CTSL: variants seen among roughly 807,000 people sequenced by gnomAD.
CTSL encodes the protein procathepsin L.
Under a neutral mutation model 34.7 loss-of-function variants are expected in CTSL, and 23 were observed. That is an observed-to-expected ratio of 0.66 (90% CI 0.48 to 0.94). The LOEUF (loss-of-function observed/expected upper bound fraction) is 0.94. Ranked by LOEUF, CTSL falls within the 40% of genes least tolerant of loss-of-function variation. The pLI is 0.00. For synonymous variants in CTSL, 129 were observed against 136.7 expected, an observed-to-expected ratio of 0.94 and a Z score of 0.39; for missense variants, 361 against 406.3, an observed-to-expected ratio of 0.89 and a Z score of 0.96.
intron 5 of CTSL, among the ~76,000 whole-genome samples, chr9:87,729,319 G>A (rs1826163769): frequency 6.6e-6 from 1 of 152,180 alleles, no homozygotes; most frequent in Admixed American, 6.5e-5. Context: ...GAATATACAA[G>A]CCATTCTAAA....
In CTSL at chr9:87,728,178, G is replaced by A. The variant is rs369837559; in HGVS notation, c.249+29G>A. The A allele has an allele frequency of 4.2e-5, 67 of 1,614,234 alleles. No individual in the cohort carries two copies. The African/African-American group carries it at 8.5e-4, about 21-fold the overall frequency. ...AGTGTGCTGTGGACTGCCGAGCTCT[G>A]TGCTTCCTCTCTTCGGTTCTTTACT... On this transcript the variant is annotated intron_variant, in intron 3 of 7. Transcript: ENST00000343150.
intron 5 of CTSL, 171 bp downstream of exon 5, chr9:87,728,980 G>A: frequency 7.0e-7 from 1 of 1,435,358 alleles, no homozygotes; most frequent in Non-Finnish European, 9.1e-7. Flanking sequence ...AAGCTCAGGA[G>A]TTTGAGACCA....
intron 1 of CTSL, 112 bp from the exon 2 acceptor site, chr9:87,727,482 A>G: frequency 8.8e-7 from 1 of 1,135,422 alleles, no homozygotes. Flanking sequence ...AATGCTTGGG[A>G]GAATAATTTA....
chr9:87,730,427 T>G lies in CTSL; in HGVS notation c.831T>G (p.Gly277=). Residue 277 remains glycine, a synonymous_variant, in exon 7 of 8, where the codon GGT becomes GGG. Transcript: ENST00000343150. ...PDCSSEDMDH[G]VLVVGYGFES... ...GTAGCAGTGAAGACATGGATCATGG[T>G]GTGCTGGTGGTTGGCTACGGATTTG... The G allele has an allele frequency of 6.2e-7, 1 of 1,613,212 alleles. No individual in the cohort carries two copies. The highest frequency in any genetic ancestry group is 8.5e-7 in the Non-Finnish European group (1 of 1,179,710).
At position 87,728,607 on chromosome 9, in the gene CTSL, CT is replaced by C. The variant is rs1826134048; in HGVS notation, c.423del (p.Phe141LeufsTer21). ...KNQGQCGSCW[A>X]FSATGALEGQ... ...CAGGGTCAGTGTGGTTCTTGTTGGG[CT>C]TTTAGTGCTACTGGTGCTCTTGAAG... is the stretch of plus-strand genomic sequence containing the variant. On this transcript the variant is annotated frameshift_variant, in exon 5 of 8. Coordinates refer to ENST00000343150, the MANE Select transcript of CTSL (RefSeq NM_001912.5). LOFTEE classifies it high-confidence loss of function. 2 of 1,613,790 alleles carry C rather than the reference CT, an allele frequency of 1.2e-6. No homozygotes were observed. The highest frequency in any genetic ancestry group is 1.7e-6 in the Non-Finnish European group (2 of 1,179,974).
Position 87,726,143 on chromosome 9 carries a change from A to G in CTSL, c.-266A>G, listed in dbSNP as rs1003093881. 6.6e-6 allele frequency: 1 copy of G among 152,232 alleles called. No individual in the cohort carries two copies. Among genetic ancestry groups the G allele is most frequent in the Non-Finnish European group, 1.5e-5 (1 of 68,136 alleles). The allele number at this position is 152,232 out of a possible 1,614,324, so 9.4% of individuals were successfully genotyped here. A position where few individuals can be genotyped will look rare whatever the true frequency, so the allele number is the denominator to read the frequency against. ...CAGAACCGCGACCTCCGCAACCTTGAGCGGCATCCGTGGAGTGCGCCTGCG... is the reference window on the plus strand; with the variant it reads ...CAGAACCGCGACCTCCGCAACCTTGGGCGGCATCCGTGGAGTGCGCCTGCG... On this transcript the variant is annotated 5_prime_UTR_variant, in exon 1 of 8. Coordinates refer to ENST00000343150, the MANE Select transcript of CTSL (RefSeq NM_001912.5).
intron 2 of CTSL, 127 bp downstream of exon 2, chr9:87,727,856 A>AGGATT: frequency 7.1e-7 from 1 of 1,410,242 alleles, no homozygotes. Context: ...TTATGAGCAC[A>AGGATT]ATGTGGACAT....
chr9:87,729,176 A>C (rs545985641), intron 5 of CTSL, among the ~76,000 whole-genome samples: 1 of 152,058 alleles, frequency 6.6e-6, no homozygotes, highest in Non-Finnish European at 1.5e-5. Flanking sequence ...AAAAAAAAAA[A>C]AAAGTTCACA....
intron 5 of CTSL, among the ~76,000 whole-genome samples, chr9:87,729,250 G>T (rs147803158): frequency 1.3e-3 from 202 of 152,130 alleles, no homozygotes; most frequent in African/African-American, 4.4e-3. Context: ...ATTAGCCTTT[G>T]CACAATCCTG....
Position 87,727,921 on chromosome 9 carries a change from T to C in CTSL, c.127-106T>C, listed in dbSNP as rs116971562. The C allele has an allele frequency of 1.2e-4, 192 of 1,536,706 alleles. 2 individuals carry two copies. The East Asian group carries it at 4.2e-3, about 33-fold the overall frequency. On this transcript the variant is annotated intron_variant, in intron 2 of 7. Coordinates refer to ENST00000343150, the MANE Select transcript of CTSL (RefSeq NM_001912.5). Reference sequence around the variant, plus strand: ...CAGCATCCCCAGAGGTGTCAAGCCTTCCCTTGCCATGGTTTCTCTTCCATC... The same window carrying C: ...CAGCATCCCCAGAGGTGTCAAGCCTCCCCTTGCCATGGTTTCTCTTCCATC...
Position 87,728,347 on chromosome 9 carries a change from G to A in CTSL, c.347G>A (p.Arg116Lys). ...FQEPLFYEAP[R>K]SVDWREKGYV... The stretch of plus-strand genomic sequence containing the variant: ...GAACCTCTGTTTTATGAGGCCCCCA[G>A]ATCTGTGGATTGGAGAGAGAAAGGC... The change falls in exon 4 of 8, where the codon AGA becomes AAA. Residue 116 changes from arginine (R) to lysine (K), a missense_variant. By Grantham distance (26) the Arg-to-Lys change is conservative. Transcript: ENST00000343150. The A allele has an allele frequency of 6.2e-7, 1 of 1,614,136 alleles. No homozygotes were observed. Among genetic ancestry groups the A allele is most frequent in the Non-Finnish European group, 8.5e-7 (1 of 1,179,982 alleles).
chr9:87,729,621 G>A lies in CTSL; in HGVS notation c.670G>A (p.Gly224Ser), dbSNP rs778002071. ...NPKYSVANDT[G>S]FVDIPKQEKA... Reference sequence around the variant, plus strand: ...CAAGTATTCTGTTGCTAATGACACCGGCTTTGTGGACATCCCTAAGCAGGA... The same window carrying A: ...CAAGTATTCTGTTGCTAATGACACCAGCTTTGTGGACATCCCTAAGCAGGA... The change falls in exon 6 of 8, where the codon GGC becomes AGC. Residue 224 changes from glycine to serine, a missense_variant. Coordinates refer to ENST00000343150, the MANE Select transcript of CTSL (RefSeq NM_001912.5). 26 of 1,614,082 alleles carry A rather than the reference G, an allele frequency of 1.6e-5. No homozygotes were observed. The highest frequency in any genetic ancestry group is 3.3e-5 in the South Asian group (3 of 91,068).
chr9:87,728,547 T>G, intron 4 of CTSL, 38 bp from the exon 5 acceptor site: 1 of 1,590,392 alleles, frequency 6.3e-7, no homozygotes, highest in Middle Eastern at 1.7e-4. Flanking sequence ...TATTATTTTT[T>G]TTTTGTGGAT....
rs1239881718 is a variant in CTSL at position 87,726,139 on chromosome 9, C to T, written c.-270C>T. ...GGGCCAGAACCGCGACCTCCGCAAC[C>T]TTGAGCGGCATCCGTGGAGTGCGCC... is the stretch of plus-strand genomic sequence containing the variant. On this transcript the variant is annotated 5_prime_UTR_variant, in exon 1 of 8. Transcript: ENST00000343150. 6.6e-6 allele frequency: 1 copy of T among 152,360 alleles called. No individual in the cohort carries two copies. The highest frequency in any genetic ancestry group is 1.5e-5 in the Non-Finnish European group (1 of 68,156). 9.4% of individuals were successfully genotyped at this position (152,360 alleles called of 1,614,324 possible). A position where few individuals can be genotyped will look rare whatever the true frequency, so the allele number is the denominator to read the frequency against.
intron 6 of CTSL, 38 bp downstream of exon 6, chr9:87,729,773 AAG>A (rs754657100): frequency 1.3e-6 from 2 of 1,577,526 alleles, no homozygotes; most frequent in Non-Finnish European, 8.6e-7. Context: ...GATGCAGAAA[AAG>A]AGTATCATGA....
In CTSL at chr9:87,729,696, A is replaced by G. The variant is rs773048218; in HGVS notation, c.745A>G (p.Ile249Val). The change falls in exon 6 of 8, where the codon ATT (isoleucine) becomes GTT (valine). Residue 249 changes from isoleucine to valine, a missense_variant. Ile to Val is a conservative substitution (Grantham distance 29). Transcript: ENST00000343150. ...AACTGTGGGGCCCATTTCTGTTGCT[A>G]TTGATGCAGGTCATGAGTCCTTCCT... ...VATVGPISVA[I>V]DAGHESFLFY... The G allele has an allele frequency of 1.7e-5, 27 of 1,613,876 alleles. 1 individual carries two copies. In the East Asian group the frequency reaches 2.5e-4, roughly 15 times the overall value.
At chr9:87,728,887 C>A in intron 5 of CTSL, 78 bp downstream of exon 5, 2 of 1,596,898 alleles carry the variant, frequency 1.3e-6, no homozygotes, top group South Asian at 2.2e-5. Flanking sequence ...ATACCTTTTT[C>A]GGAATTCATA....
rs1415315009 is a variant in CTSL, at chr9:87,726,318, C to G, written c.-91C>G. On this transcript the variant is annotated 5_prime_UTR_variant, in exon 1 of 8. Coordinates refer to ENST00000343150, the MANE Select transcript of CTSL (RefSeq NM_001912.5). Reference sequence around the variant, plus strand: ...CTCTGCTGGCCTTGAGGTGGGGAAGCCGGGGAGGGCAGTTGAGGACCCCGC... The same window carrying G: ...CTCTGCTGGCCTTGAGGTGGGGAAGGCGGGGAGGGCAGTTGAGGACCCCGC... The G allele has an allele frequency of 6.6e-6, 1 of 152,648 alleles. No individual in the cohort carries two copies. Among genetic ancestry groups the G allele is most frequent in the Non-Finnish European group, 1.5e-5 (1 of 68,384 alleles). The allele number at this position is 152,648 out of a possible 1,614,324, so 9.5% of individuals were successfully genotyped here. A position where few individuals can be genotyped will look rare whatever the true frequency, so the allele number is the denominator to read the frequency against.
chr9:87,730,582 C>G, intron 7 of CTSL, 84 bp downstream of exon 7: 2 of 898,140 alleles, frequency 2.2e-6, no homozygotes, highest in Non-Finnish European at 3.5e-6. Flanking sequence ...GTTCCACATG[C>G]CCTTAGGCAT....
Sources: allele counts gnomAD v4.1 joint callset (sites outside exome capture counted in the v4.1 genomes callset), GRCh38; gene constraint gnomAD v4.1.1; transcripts MANE v1.5; gene names NCBI Gene and HGNC (gene_info 2026-07-23, HGNC 2026-07-21).